Variants in SIPA1L2 observed in about 807,000 individuals in gnomAD.
SIPA1L2 encodes the protein signal induced proliferation associated 1 like 2.
Under a neutral mutation model 163.9 loss-of-function variants are expected in SIPA1L2, and 56 were observed. That is an observed-to-expected ratio of 0.34 (90% CI 0.28 to 0.43). The LOEUF (loss-of-function observed/expected upper bound fraction) is 0.43. SIPA1L2 is among the 20% of genes least tolerant of loss of function. The pLI is 1.00. For missense variants in SIPA1L2, 1,974 were observed against 2,193.5 expected, an observed-to-expected ratio of 0.90 and a Z score of 2.00; for synonymous variants, 877 against 865.7, an observed-to-expected ratio of 1.01 and a Z score of -0.23.
intron 1 of SIPA1L2, among the ~76,000 whole-genome samples, chr1:232,610,879 T>TA: frequency 6.6e-6 from 1 of 152,072 alleles, no homozygotes; most frequent in East Asian, 1.9e-4. Context: ...AAAAGTAAAA[T>TA]AAAAACTCTA....
At chr1:232,478,112 T>C (rs1665139295) in intron 7 of SIPA1L2, among the ~76,000 whole-genome samples, 1 of 152,230 alleles carries the variant, frequency 6.6e-6, no homozygotes, top group Non-Finnish European at 1.5e-5. Context: ...CTGCTCGGCA[T>C]TATTGCAAAT....
At chr1:232,566,816 T>A (rs1659432958) in intron 2 of SIPA1L2, among the ~76,000 whole-genome samples, 1 of 152,240 alleles carries the variant, frequency 6.6e-6, no homozygotes. Flanking sequence ...TTCATTTGAG[T>A]GTGAGAATAT....
chr1:232,438,961 C>G, intron 15 of SIPA1L2, 147 bp downstream of exon 15: 1 of 710,008 alleles, frequency 1.4e-6, no homozygotes. Flanking sequence ...TAGAAACAAG[C>G]CCTTCCTCTG....
chr1:232,582,449 G>T (rs897227038), intron 1 of SIPA1L2, among the ~76,000 whole-genome samples: 2 of 152,096 alleles, frequency 1.3e-5, no homozygotes, highest in Non-Finnish European at 2.9e-5. Flanking sequence ...TAGGATTATG[G>T]TTTCCAACTC....
intron 1 of SIPA1L2, among the ~76,000 whole-genome samples, chr1:232,579,090 A>T (rs1324450521): frequency 6.6e-6 from 1 of 152,168 alleles, no homozygotes; most frequent in Non-Finnish European, 1.5e-5. Context: ...TCTGTGTGAA[A>T]ACCAGATTTG....
chr1:232,619,831 AT>A (rs1662704066), intron 1 of SIPA1L2, among the ~76,000 whole-genome samples: 1 of 152,234 alleles, frequency 6.6e-6, no homozygotes, highest in African/African-American at 2.4e-5. Context: ...AGAACCCCTT[AT>A]CCCACTTGTA....
chr1:232,489,226 C>A (rs921817229), intron 5 of SIPA1L2, among the ~76,000 whole-genome samples: 2 of 152,202 alleles, frequency 1.3e-5, no homozygotes, highest in African/African-American at 4.8e-5. Flanking sequence ...GTGGCAAGTT[C>A]TTTTCACCAA....
intron 3 of SIPA1L2, among the ~76,000 whole-genome samples, chr1:232,500,276 A>C (rs1666397491): frequency 6.6e-6 from 1 of 152,274 alleles, no homozygotes; most frequent in Admixed American, 6.5e-5. Context: ...TTCATTCTGT[A>C]GCCCATGAAT....
chr1:232,556,037 C>T (rs1036291536), intron 2 of SIPA1L2, among the ~76,000 whole-genome samples: 2 of 152,230 alleles, frequency 1.3e-5, no homozygotes, highest in African/African-American at 4.8e-5. Context: ...GAAGAGCTAA[C>T]ACAGGATTCC....
In SIPA1L2 at chr1:232,432,404, T is replaced by C. The variant is rs1662297561; in HGVS notation, c.4099A>G (p.Lys1367Glu). 1 of 1,614,144 alleles carries C rather than the reference T, an allele frequency of 6.2e-7. No individual in the cohort carries two copies. Among genetic ancestry groups the C allele is most frequent in the African/African-American group, 1.3e-5 (1 of 74,938 alleles). ...CTGCTGTGAGACACGATGTAGACTTTGGATGAATCCAGAGACCCACTACTT... is the reference window on the plus strand; with the variant it reads ...CTGCTGTGAGACACGATGTAGACTTCGGATGAATCCAGAGACCCACTACTT... ...SKSSGSLDSSKVYIVSHSSGQ... is the reference protein window; with the variant it reads ...SKSSGSLDSSEVYIVSHSSGQ... Residue 1367 changes from lysine (K) to glutamate (E), a missense_variant, in exon 16 of 23, where the codon AAA becomes GAA. By Grantham distance (56) the Lys-to-Glu change is moderately conservative. Transcript: ENST00000674635.
intron 1 of SIPA1L2, among the ~76,000 whole-genome samples, chr1:232,624,700 T>G (rs1416984476): frequency 6.6e-6 from 1 of 152,214 alleles, no homozygotes; most frequent in East Asian, 1.9e-4. Context: ...CTCAGAAGAT[T>G]AAGCAAATAT....
intron 19 of SIPA1L2, among the ~76,000 whole-genome samples, chr1:232,415,098 C>T (rs12023498): frequency 0.043 from 6,584 of 152,258 alleles, 646 homozygotes; most frequent in East Asian, 0.43. Context: ...TGTGCTTGTC[C>T]GGCGAAGCCC....
chr1:232,498,310 T>A (rs961257927), intron 3 of SIPA1L2, among the ~76,000 whole-genome samples: 1 of 152,150 alleles, frequency 6.6e-6, no homozygotes, highest in African/African-American at 2.4e-5. Flanking sequence ...GTGTGAAGCA[T>A]CTTGGAGGCT....
intron 1 of SIPA1L2, among the ~76,000 whole-genome samples, chr1:232,587,412 T>C (rs1660728766): frequency 6.6e-6 from 1 of 152,160 alleles, no homozygotes; most frequent in Non-Finnish European, 1.5e-5. Context: ...GCACCTTTCC[T>C]GTATGTCTTA....
chr1:232,473,217 T>C (rs1253764506), intron 7 of SIPA1L2, among the ~76,000 whole-genome samples: 1 of 152,258 alleles, frequency 6.6e-6, no homozygotes, highest in Non-Finnish European at 1.5e-5. Flanking sequence ...ATAGGCATTG[T>C]AATGAGACAA....
rs199615229 is a variant in SIPA1L2, at chr1:232,445,680, G to A, written c.3202C>T (p.Arg1068Trp). Reference sequence around the variant, plus strand: ...GGCTGCAGGGCAGGAGTGGGCACCCGGTGCCACGTGGTGTTCCTCCTGAAG... The same window carrying A: ...GGCTGCAGGGCAGGAGTGGGCACCCAGTGCCACGTGGTGTTCCTCCTGAAG... ...TPFRRNTTWH[R>W]VPTPALQPLS... Residue 1068 changes from arginine (R) to tryptophan (W), a missense_variant, in exon 11 of 23, where the codon CGG (arginine) becomes TGG (tryptophan). This residue lies in a region of SIPA1L2 where 1,079 missense variants were observed against 1,150.7 expected (regional missense o/e 0.94). Coordinates refer to ENST00000674635, the MANE Select transcript of SIPA1L2 (RefSeq NM_020808.5). 78 of 1,613,212 alleles carry A rather than the reference G, an allele frequency of 4.8e-5. No homozygotes were observed. Among genetic ancestry groups the A allele is most frequent in the Middle Eastern group, 1.7e-4 (1 of 5,928 alleles).
intron 19 of SIPA1L2, among the ~76,000 whole-genome samples, chr1:232,411,342 T>C (rs1318535364): frequency 6.6e-6 from 1 of 152,188 alleles, no homozygotes; most frequent in Non-Finnish European, 1.5e-5. Context: ...ATTCCTATCC[T>C]AGAGGTATCT....
intron 1 of SIPA1L2, among the ~76,000 whole-genome samples, chr1:232,576,574 G>A (rs1403384382): frequency 6.6e-6 from 1 of 152,100 alleles, no homozygotes; most frequent in Non-Finnish European, 1.5e-5. Flanking sequence ...CAGCCTCTCC[G>A]TATTCAAGTA....
intron 3 of SIPA1L2, among the ~76,000 whole-genome samples, chr1:232,500,810 A>T (rs970101997): frequency 6.6e-6 from 1 of 152,206 alleles, no homozygotes; most frequent in Non-Finnish European, 1.5e-5. Context: ...AAGACGTTCT[A>T]CTGTGGGTCA....
Sources: gnomAD v4.1 joint callset for allele counts (sites outside exome capture counted in the v4.1 genomes callset) on GRCh38, gnomAD v4.1.1 for gene constraint, gnomAD v4.1.1 regional missense constraint, MANE v1.5 for transcripts, NCBI Gene and HGNC (gene_info 2026-07-23, HGNC 2026-07-21) for gene names.